The following BCAS3 variants were observed in gnomAD, a reference collection of about 807,000 sequenced individuals.
BCAS3 encodes the protein BCAS4/BCAS3 fusion.
In BCAS3, 53 loss-of-function variants were observed where a neutral mutation model predicts 116.1. That is an observed-to-expected ratio of 0.46 (90% CI 0.37 to 0.57). The LOEUF is 0.57. Among genes scored for constraint, BCAS3 ranks in the 20% least tolerant of loss-of-function variants. The probability of loss-of-function intolerance (pLI) is 0.00; values close to 1 mark genes in which losing one functional copy is unlikely to be tolerated. For missense variants in BCAS3, 917 were observed against 1,165.4 expected, an observed-to-expected ratio of 0.79 and a Z score of 3.10; for synonymous variants, 391 against 408.2, an observed-to-expected ratio of 0.96 and a Z score of 0.51.
Position 61,098,124 on chromosome 17 carries a change from G to C in BCAS3, c.2425+13560G>C, listed in dbSNP as rs1416930219. 1.3e-5 allele frequency among the ~76,000 whole-genome samples: 2 copies of C among 152,172 alleles called. No homozygotes were observed. Among genetic ancestry groups the C allele is most frequent in the African/African-American group, 4.8e-5 (2 of 41,436 alleles). ...CCTTAAAAGCTGTCTCTGTTATCAT[G>C]GATATAAATGGTGCTGGAGGGTCCT... On this transcript the variant is annotated intron_variant, in intron 22 of 23. Coordinates refer to ENST00000407086, the MANE Select transcript of BCAS3 (RefSeq NM_017679.5). The surrounding 1 kb of genome is among the most constrained non-coding windows in gnomAD (Gnocchi z 4.2).
chr17:60,951,764 CTTTTTTTTTT>C lies in BCAS3; in HGVS notation c.1221+4425_1221+4434del, dbSNP rs769133578. On this transcript the variant is annotated intron_variant, in intron 14 of 23. Transcript: ENST00000407086. ...AGGGTCTTGGCATTTTCTTTTCTTT[CTTTTTTTTTT>C]TTTTTTTTTTTTCTTTGGAGACGGA... Among the ~76,000 whole-genome samples, 5 of 109,552 alleles carry C rather than the reference CTTTTTTTTTT, an allele frequency of 4.6e-5. No individual in the cohort carries two copies. The Admixed American group carries it at 5.0e-4, about 11-fold the overall frequency. The allele number at this position is 109,552 out of a possible 152,430, so 71.9% of individuals were successfully genotyped here. A position where few individuals can be genotyped will look rare whatever the true frequency, so the allele number is the denominator to read the frequency against.
chr17:61,294,608 C>T (rs1488543431), intron 22 of BCAS3, among the ~76,000 whole-genome samples: 1 of 152,220 alleles, frequency 6.6e-6, no homozygotes, highest in Non-Finnish European at 1.5e-5. Context: ...GAGTTCTTAA[C>T]ATAGTTGAGT....
Position 61,333,527 on chromosome 17 carries a change from T to C in BCAS3, c.2426-34800T>C, listed in dbSNP as rs1451217417. On this transcript the variant is annotated intron_variant, in intron 22 of 23. Coordinates refer to ENST00000407086, the MANE Select transcript of BCAS3 (RefSeq NM_017679.5). This position sits in a 1 kb window ranked among gnomAD's most constrained non-coding sequence, Gnocchi z 4.8. The stretch of plus-strand genomic sequence containing the variant: ...AATCCCGTGCAAACCACGCAATGTC[T>C]GCCAGCGCTCACTGCCTTCCTGAGC... 6.6e-6 allele frequency among the ~76,000 whole-genome samples: 1 copy of C among 152,118 alleles called. No individual in the cohort carries two copies. The highest frequency in any genetic ancestry group is 1.5e-5 in the Non-Finnish European group (1 of 68,016).
chr17:61,111,301 A>G (rs1389525143), intron 22 of BCAS3, among the ~76,000 whole-genome samples: 4 of 151,986 alleles, frequency 2.6e-5, no homozygotes, highest in African/African-American at 7.3e-5. Context: ...CTACGGGAGG[A>G]CATTCAAACC....
chr17:60,930,836 CAAACCAGGCCCATAGCCACTTCCTGGG>C (rs1264170980), intron 13 of BCAS3, among the ~76,000 whole-genome samples: 1 of 151,926 alleles, frequency 6.6e-6, no homozygotes, highest in Admixed American at 6.6e-5. Flanking sequence ...AATCCAAGAA[CAAACCAGGCCCATAGCCACTTCCTGGG>C]AAACGTTAAA....
At position 61,378,664 on chromosome 17, in the gene BCAS3, G is replaced by A. The variant is rs1378389819; in HGVS notation, c.2593+10170G>A. On this transcript the variant is annotated intron_variant, in intron 23 of 23. Transcript: ENST00000407086. This position sits in a 1 kb window ranked among gnomAD's most constrained non-coding sequence, Gnocchi z 5.8. ...AGCACTGGAAGGAGAGCCAGGCTGA[G>A]CCTCAGTTAATGTTTGTTGAGTGAC... 3 of 152,246 alleles carry A rather than the reference G, an allele frequency of 2.0e-5. No homozygotes were observed. Among genetic ancestry groups the A allele is most frequent in the Non-Finnish European group, 4.4e-5 (3 of 68,054 alleles). 9.4% of individuals were successfully genotyped at this position (152,246 alleles called of 1,614,324 possible). A position where few individuals can be genotyped will look rare whatever the true frequency, so the allele number is the denominator to read the frequency against.
chr17:60,708,987 T>A (rs1049315590), intron 4 of BCAS3, among the ~76,000 whole-genome samples: 1 of 152,102 alleles, frequency 6.6e-6, no homozygotes, highest in Non-Finnish European at 1.5e-5. Context: ...ATGTTTGATA[T>A]TATTTAAATG....
intron 6 of BCAS3, among the ~76,000 whole-genome samples, chr17:60,788,897 T>G (rs1568254154): frequency 6.6e-6 from 1 of 152,200 alleles, no homozygotes; most frequent in Non-Finnish European, 1.5e-5. Flanking sequence ...AGAATAAAAC[T>G]TTATGGATAA....
intron 21 of BCAS3, among the ~76,000 whole-genome samples, chr17:61,081,258 A>C (rs1051205964): frequency 8.5e-5 from 13 of 152,144 alleles, no homozygotes; most frequent in Non-Finnish European, 1.8e-4. Flanking sequence ...GCTATTTATA[A>C]AGCCCTGTGC....
At chr17:61,250,440 C>G (rs1050330080) in intron 22 of BCAS3, among the ~76,000 whole-genome samples, 5 of 152,122 alleles carry the variant, frequency 3.3e-5, no homozygotes, top group Non-Finnish European at 7.3e-5. Flanking sequence ...GCTTGTTTTT[C>G]ATTTTAAAGA....
intron 13 of BCAS3, among the ~76,000 whole-genome samples, chr17:60,938,273 C>A (rs2060041634): frequency 6.6e-6 from 1 of 152,182 alleles, no homozygotes; most frequent in African/African-American, 2.4e-5. Flanking sequence ...AAGACTTAAA[C>A]TACCTAAATT....
intron 22 of BCAS3, among the ~76,000 whole-genome samples, chr17:61,155,040 A>C (rs982502204): frequency 1.3e-5 from 2 of 152,186 alleles, no homozygotes; most frequent in Non-Finnish European, 2.9e-5. Context: ...CAAACAATAC[A>C]GAGAATTTTT....
rs2074489110 is a variant in BCAS3 at position 61,104,034 on chromosome 17, T to G, written c.2425+19470T>G. 6.6e-6 allele frequency among the ~76,000 whole-genome samples: 1 copy of G among 152,238 alleles called. No homozygotes were observed. Among genetic ancestry groups the G allele is most frequent in the Non-Finnish European group, 1.5e-5 (1 of 68,044 alleles). On this transcript the variant is annotated intron_variant, in intron 22 of 23. Transcript: ENST00000407086. The surrounding 1 kb of genome is among the most constrained non-coding windows in gnomAD (Gnocchi z 4.1). ...TTGACCCATCTTTAAACCAAAGCTTTATAGCCTATTAGAAGCACAGTGTGG... is the reference window on the plus strand; with the variant it reads ...TTGACCCATCTTTAAACCAAAGCTTGATAGCCTATTAGAAGCACAGTGTGG...
Position 61,265,367 on chromosome 17 carries a change from G to T in BCAS3, c.2426-102960G>T, listed in dbSNP as rs898838081. On this transcript the variant is annotated intron_variant, in intron 22 of 23. Coordinates refer to ENST00000407086, the MANE Select transcript of BCAS3 (RefSeq NM_017679.5). The surrounding 1 kb of genome is among the most constrained non-coding windows in gnomAD (Gnocchi z 4.3). ...TGCAGTGAGCCGAGATCGCACCATT[G>T]CACTCCAGCCTGGGTAACAAGAGTG... Among the ~76,000 whole-genome samples the T allele has an allele frequency of 6.6e-6, 1 of 151,230 alleles. No homozygotes were observed. Among genetic ancestry groups the T allele is most frequent in the African/African-American group, 2.4e-5 (1 of 41,044 alleles).
chr17:61,039,716 G>A (rs776852812), intron 18 of BCAS3, among the ~76,000 whole-genome samples: 5 of 151,890 alleles, frequency 3.3e-5, no homozygotes, highest in Non-Finnish European at 7.4e-5. Flanking sequence ...CCACCGCGCC[G>A]GCCCATGAAC....
At chr17:60,732,180 C>G (rs2040524412) in intron 5 of BCAS3, among the ~76,000 whole-genome samples, 1 of 152,102 alleles carries the variant, frequency 6.6e-6, no homozygotes, top group Admixed American at 6.5e-5. Flanking sequence ...CTTAGATTAA[C>G]TTTTTCTCCC....
rs1291432446 is a variant in BCAS3, at chr17:61,325,988, G to A, written c.2426-42339G>A. Among the ~76,000 whole-genome samples, 1 of 152,160 alleles carries A rather than the reference G, an allele frequency of 6.6e-6. No homozygotes were observed. The highest frequency in any genetic ancestry group is 1.5e-5 in the Non-Finnish European group (1 of 68,022). On this transcript the variant is annotated intron_variant, in intron 22 of 23. Transcript: ENST00000407086. This position sits in a 1 kb window ranked among gnomAD's most constrained non-coding sequence, Gnocchi z 6.4. The stretch of plus-strand genomic sequence containing the variant: ...AAATCGTGTTGTCATACATTACTAA[G>A]CACCCACCATTCATTTGTTTGGCAT...
At chr17:60,745,515 G>A (rs558043823) in intron 5 of BCAS3, among the ~76,000 whole-genome samples, 103 of 152,056 alleles carry the variant, frequency 6.8e-4, no homozygotes, top group Admixed American at 2.8e-3. Flanking sequence ...GAGAATGTAC[G>A]ATACTACATT....
At position 60,968,728 on chromosome 17, in the gene BCAS3, A is replaced by G. The variant is rs572782366; in HGVS notation, c.1222-21243A>G. Among the ~76,000 whole-genome samples the G allele has an allele frequency of 3.9e-5, 6 of 152,112 alleles. No individual in the cohort carries two copies. In the South Asian group the frequency reaches 8.3e-4, roughly 21 times the overall value. On this transcript the variant is annotated intron_variant, in intron 14 of 23. Transcript: ENST00000407086. ...TTGTGCCCAGGGACCTTTGTAATGT[A>G]TTGCCTACTACATGGTGCTGCTGAA...
Sources: allele counts gnomAD v4.1 joint callset (sites outside exome capture counted in the v4.1 genomes callset), GRCh38; gene constraint gnomAD v4.1.1; non-coding constraint Gnocchi (gnomAD v3.1); transcripts MANE v1.5; gene names NCBI Gene and HGNC (gene_info 2026-07-23, HGNC 2026-07-21).